TMIGD2: variants seen among roughly 807,000 people sequenced by gnomAD.
TMIGD2 encodes the protein transmembrane and immunoglobulin domain-containing protein 2.
In TMIGD2, 18 loss-of-function variants were observed where a neutral mutation model predicts 22.6. The observed-to-expected ratio is 0.80, with a 90% CI of 0.55 to 1.18. The LOEUF (loss-of-function observed/expected upper bound fraction) is 1.18, where lower values mean the gene tolerates loss of function less well. TMIGD2 is among the 50% of genes most tolerant of loss of function. The pLI, the probability that TMIGD2 is intolerant of heterozygous loss-of-function variation, is 0.00. For missense variants in TMIGD2, 361 were observed against 378.2 expected (o/e 0.95, Z 0.38); for synonymous variants, 184 against 154.1 (o/e 1.19, Z -1.44).
At chr19:4,292,413 C>CTAG (rs2144725856) in exon 5 of TMIGD2, 1 of 676,600 alleles carries the variant, frequency 1.5e-6, no homozygotes, top group East Asian at 2.7e-5. Context: ...GCAATCTCGG[C>CTAG]TCACTGCAAC....
At chr19:4,298,405 C>T in intron 1 of TMIGD2, 60 bp from the exon 2 acceptor site, 1 of 1,498,174 alleles carries the variant, frequency 6.7e-7, no homozygotes, top group Non-Finnish European at 8.8e-7. Flanking sequence ...GGCTGTGTGA[C>T]TCACTCCCCT....
chr19:4,294,445 T>C (rs1971430267), intron 4 of TMIGD2, 134 bp downstream of exon 4: 3 of 815,592 alleles, frequency 3.7e-6, no homozygotes, highest in East Asian at 5.0e-5. Flanking sequence ...GCATAGGATA[T>C]AGGAGCCAGG....
At chr19:4,294,847 GC>G in intron 2 of TMIGD2, 31 bp from the exon 3 acceptor site, 1 of 1,538,022 alleles carries the variant, frequency 6.5e-7, no homozygotes, top group Non-Finnish European at 8.7e-7. Flanking sequence ...TCACGGGGGT[GC>G]CAGGCTTCTC....
intron 1 of TMIGD2, among the ~76,000 whole-genome samples, chr19:4,299,080 G>A (rs1021051554): frequency 3.3e-5 from 5 of 152,182 alleles, no homozygotes; most frequent in African/African-American, 1.2e-4. Flanking sequence ...AGACACCAGT[G>A]AGGTCAGGGA....
chr19:4,295,345 G>T (rs12983327), intron 2 of TMIGD2, among the ~76,000 whole-genome samples: 29,677 of 151,012 alleles, frequency 0.2, 3,155 homozygotes, highest in Admixed American at 0.27. Flanking sequence ...CGGATCACAA[G>T]GTCAGGCGAT....
chr19:4,297,883 T>C, intron 2 of TMIGD2, 103 bp downstream of exon 2: 15 of 1,370,892 alleles, frequency 1.1e-5, no homozygotes, highest in Non-Finnish European at 1.4e-5. Flanking sequence ...AAGTTTGATA[T>C]GAAGAATTTA....
At chr19:4,293,197 G>A (rs576709546) in intron 4 of TMIGD2, among the ~76,000 whole-genome samples, 13 of 151,056 alleles carry the variant, frequency 8.6e-5, no homozygotes, top group Admixed American at 2.0e-4. Context: ...TCCTGACCTC[G>A]TGATCCACCC....
exon 4 of TMIGD2, chr19:4,294,592 C>T (rs1971433642): frequency 6.2e-7 from 1 of 1,611,726 alleles, no homozygotes; most frequent in Non-Finnish European, 8.5e-7. Context: ...AGTCCCTTTG[C>T]TGGCAGCTGC....
chr19:4,292,953 G>C, intron 4 of TMIGD2, 68 bp from the exon 5 acceptor site: 1 of 1,567,136 alleles, frequency 6.4e-7, no homozygotes. Flanking sequence ...TGACCTCTGG[G>C]GGATCTGTCT....
exon 5 of TMIGD2, chr19:4,292,761 C>T (rs373014575): frequency 4.4e-5 from 71 of 1,610,748 alleles, no homozygotes; most frequent in Middle Eastern, 3.3e-4. Flanking sequence ...GGCGGGGGGC[C>T]GGTTGCGGGA....
intron 1 of TMIGD2, among the ~76,000 whole-genome samples, chr19:4,299,469 G>A (rs1188386057): frequency 2.7e-5 from 4 of 148,654 alleles, no homozygotes; most frequent in Middle Eastern, 6.9e-3. Flanking sequence ...TTAAGACCAC[G>A]CCACTGCACT....
At chr19:4,297,074 C>CTT (rs71166981) in intron 2 of TMIGD2, among the ~76,000 whole-genome samples, 26,972 of 105,124 alleles carry the variant, frequency 0.26, 4,504 homozygotes, top group African/African-American at 0.31. Flanking sequence ...GAGTCTGTGG[C>CTT]TTTTTTTTTT....
At chr19:4,294,920 G>A in intron 2 of TMIGD2, 104 bp from the exon 3 acceptor site, 1 of 1,207,702 alleles carries the variant, frequency 8.3e-7, no homozygotes. Flanking sequence ...GCCAGGCTTT[G>A]TGGATTTGGG....
intron 2 of TMIGD2, among the ~76,000 whole-genome samples, chr19:4,297,259 G>A (rs1971473382): frequency 1.3e-5 from 2 of 151,986 alleles, no homozygotes; most frequent in African/African-American, 2.4e-5. Flanking sequence ...GTAGAGAGGG[G>A]GTTTTCATCA....
intron 4 of TMIGD2, among the ~76,000 whole-genome samples, chr19:4,294,171 G>A (rs1198161759): frequency 1.3e-5 from 2 of 150,852 alleles, no homozygotes; most frequent in African/African-American, 2.4e-5. Flanking sequence ...GGGTTCAAGC[G>A]ATCCTCCTGC....
chr19:4,298,988 G>A (rs186059397), intron 1 of TMIGD2, among the ~76,000 whole-genome samples: 75 of 152,256 alleles, frequency 4.9e-4, no homozygotes, highest in Non-Finnish European at 9.3e-4. Context: ...CCCTTCAGAA[G>A]CTGACAATCT....
exon 5 of TMIGD2, chr19:4,292,858 T>C: frequency 6.2e-7 from 1 of 1,613,864 alleles, no homozygotes; most frequent in Non-Finnish European, 8.5e-7. Context: ...CCGGGGCCGG[T>C]ATAGGACGTT....
exon 4 of TMIGD2, chr19:4,294,587 C>A: frequency 1.2e-6 from 2 of 1,612,058 alleles, no homozygotes; most frequent in Non-Finnish European, 1.7e-6. Context: ...ACCTGAGTCC[C>A]TTTGCTGGCA....
chr19:4,294,455 G>T, intron 4 of TMIGD2, 124 bp downstream of exon 4: 2 of 901,168 alleles, frequency 2.2e-6, no homozygotes, highest in Non-Finnish European at 3.6e-6. Flanking sequence ...TAGGAGCCAG[G>T]CTTCTCCTCC....
Sources: gnomAD v4.1 joint callset for allele counts (sites outside exome capture counted in the v4.1 genomes callset) on GRCh38, gnomAD v4.1.1 for gene constraint, MANE v1.5 for transcripts, NCBI Gene and HGNC (gene_info 2026-07-23, HGNC 2026-07-21) for gene names.